PLCB1: variants seen among roughly 807,000 people sequenced by gnomAD.
The protein encoded by PLCB1 is 1-phosphatidylinositol 4,5-bisphosphate phosphodiesterase beta-1.
In PLCB1, 46 loss-of-function variants were observed where a neutral mutation model predicts 161.8. That is an observed-to-expected ratio of 0.28 (90% CI 0.22 to 0.36). The LOEUF is 0.36. Among genes scored for constraint, PLCB1 ranks in the 10% least tolerant of loss-of-function variants. The probability of loss-of-function intolerance (pLI) is 1.00; values close to 1 mark genes in which losing one functional copy is unlikely to be tolerated. For synonymous variants in PLCB1, 517 were observed against 503.7 expected, an observed-to-expected ratio of 1.03 and a Z score of -0.35; for missense variants, 1,016 against 1,472.5, an observed-to-expected ratio of 0.69 and a Z score of 5.07.
At chr20:8,273,483 T>C (rs570405415) in intron 2 of PLCB1, among the ~76,000 whole-genome samples, 1 of 152,164 alleles carries the variant, frequency 6.6e-6, no homozygotes, top group African/African-American at 2.4e-5. Context: ...TCTAAGCTTT[T>C]ATGGTGCAAA....
chr20:8,145,627 A>C (rs1241369947), intron 1 of PLCB1, among the ~76,000 whole-genome samples: 2 of 152,216 alleles, frequency 1.3e-5, no homozygotes, highest in Admixed American at 6.5e-5. Flanking sequence ...GCCTTGCTGG[A>C]ATTGTGTGAC....
intron 3 of PLCB1, among the ~76,000 whole-genome samples, chr20:8,508,161 A>G (rs879463512): frequency 6.6e-6 from 1 of 152,204 alleles, no homozygotes; most frequent in Non-Finnish European, 1.5e-5. Context: ...GGGGGAGTAA[A>G]GGCAGCCAGG....
intron 3 of PLCB1, among the ~76,000 whole-genome samples, chr20:8,551,382 A>G (rs1321823778): frequency 6.6e-6 from 1 of 152,074 alleles, no homozygotes; most frequent in African/African-American, 2.4e-5. Flanking sequence ...ATTGATACTT[A>G]TTTTCTTTCT....
chr20:8,509,657 T>C (rs1057480781), intron 3 of PLCB1, among the ~76,000 whole-genome samples: 15 of 151,876 alleles, frequency 9.9e-5, no homozygotes, highest in African/African-American at 3.6e-4. Flanking sequence ...AGTTAAAAAA[T>C]AGATTAGATA....
rs191383766 is a variant in PLCB1, at chr20:8,323,542, T to C, written c.178-47840T>C. Among the ~76,000 whole-genome samples, 186 of 152,236 alleles carry C rather than the reference T, an allele frequency of 1.2e-3. 2 individuals carry two copies. Among genetic ancestry groups the C allele is most frequent in the Non-Finnish European group, 3.5e-4 (24 of 68,016 alleles). ...CTATAAACTCTCTCCTTATGGCCTC[T>C]CCAGCAGGATGGATTCAGGATAGTA... On this transcript the variant is annotated intron_variant, in intron 2 of 31. Transcript: ENST00000338037.
At chr20:8,203,753 A>C (rs1978369022) in intron 2 of PLCB1, among the ~76,000 whole-genome samples, 1 of 152,168 alleles carries the variant, frequency 6.6e-6, no homozygotes, top group Admixed American at 6.5e-5. Context: ...TAAAGGACAA[A>C]TGTTTCTGGA....
chr20:8,521,920 TCTCCTTC>T (rs1984363909), intron 3 of PLCB1, among the ~76,000 whole-genome samples: 2 of 152,114 alleles, frequency 1.3e-5, no homozygotes, highest in Non-Finnish European at 2.9e-5. Flanking sequence ...CAAACTATAT[TCTCCTTC>T]TTTCTTAACA....
chr20:8,452,246 T>G (rs2122651377), intron 3 of PLCB1, among the ~76,000 whole-genome samples: 1 of 152,318 alleles, frequency 6.6e-6, no homozygotes, highest in Admixed American at 6.5e-5. Flanking sequence ...TTTTTTTCAA[T>G]TTTAATTTTT....
rs1980089773 is a variant in PLCB1 at position 8,729,031 on chromosome 20, A to G, written c.1764-19A>G. ...AAATATTTTTATAATTGTATTCACT[A>G]CTTAACATGATGGTCCAGATATAAC... On this transcript the variant is annotated intron_variant, in intron 17 of 31. Transcript: ENST00000338037. 2.0e-6 allele frequency: 3 copies of G among 1,536,270 alleles called. No homozygotes were observed. Among genetic ancestry groups the G allele is most frequent in the Non-Finnish European group, 2.6e-6 (3 of 1,134,130 alleles).
chr20:8,351,323 T>C (rs1365368907), intron 2 of PLCB1, among the ~76,000 whole-genome samples: 1 of 152,042 alleles, frequency 6.6e-6, no homozygotes, highest in Admixed American at 6.6e-5. Flanking sequence ...GTTCATACTT[T>C]ACAAAAAAAA....
chr20:8,632,777 C>A (rs1988639331), intron 4 of PLCB1, among the ~76,000 whole-genome samples: 1 of 152,094 alleles, frequency 6.6e-6, no homozygotes, highest in Non-Finnish European at 1.5e-5. Context: ...AGCGTGACAG[C>A]AGCTGGGTAA....
chr20:8,379,399 C>T (rs754921131), intron 3 of PLCB1, among the ~76,000 whole-genome samples: 6 of 152,160 alleles, frequency 3.9e-5, no homozygotes, highest in Middle Eastern at 3.2e-3. Context: ...GTAAGTAGTG[C>T]TGCAATAAAC....
chr20:8,465,410 A>G (rs146864338), intron 3 of PLCB1, among the ~76,000 whole-genome samples: 1 of 152,148 alleles, frequency 6.6e-6, no homozygotes, highest in African/African-American at 2.4e-5. Context: ...TCATCAGGCA[A>G]TTTCCCTTCT....
intron 3 of PLCB1, among the ~76,000 whole-genome samples, chr20:8,492,555 A>T (rs1349630549): frequency 6.6e-6 from 1 of 151,840 alleles, no homozygotes; most frequent in Non-Finnish European, 1.5e-5. Context: ...GTTTTTATTA[A>T]GTCAGATTGC....
chr20:8,834,810 GAAAAAAAAAAAAAAAAAAA>G (rs10568816), intron 31 of PLCB1, among the ~76,000 whole-genome samples: 1 of 85,602 alleles, frequency 1.2e-5, no homozygotes, highest in East Asian at 4.9e-4. Flanking sequence ...CTCTGCCTCA[GAAAAAAAAAAAAAAAAAAA>G]AAAAAAAACC....
chr20:8,569,600 C>T (rs1986442141), intron 3 of PLCB1, among the ~76,000 whole-genome samples: 2 of 152,038 alleles, frequency 1.3e-5, no homozygotes, highest in Non-Finnish European at 2.9e-5. Context: ...GTGACAATAT[C>T]CTATGTGTCC....
intron 2 of PLCB1, among the ~76,000 whole-genome samples, chr20:8,168,697 AT>A (rs1194241881): frequency 2.0e-5 from 3 of 148,772 alleles, no homozygotes; most frequent in Non-Finnish European, 3.0e-5. Flanking sequence ...TTGTTGTGCT[AT>A]TTTTTTTCTT....
At chr20:8,297,638 T>C (rs1983699172) in intron 2 of PLCB1, among the ~76,000 whole-genome samples, 1 of 152,154 alleles carries the variant, frequency 6.6e-6, no homozygotes, top group African/African-American at 2.4e-5. Flanking sequence ...GAAAGCTTTC[T>C]TGGGATTCTG....
Position 8,214,819 on chromosome 20 carries a change from C to CT in PLCB1, c.177+64454dup, listed in dbSNP as rs200511117. Among the ~76,000 whole-genome samples, 776 of 152,134 alleles carry CT rather than the reference C, an allele frequency of 5.1e-3. 9 individuals carry two copies. Among genetic ancestry groups the CT allele is most frequent in the African/African-American group, 0.017 (721 of 41,520 alleles). On this transcript the variant is annotated intron_variant, in intron 2 of 31. Transcript: ENST00000338037. ...TTGGGGGTGTGTGCTATTTTGCCTTCTTTTTTCACTCTCAAATATAAAAAG... is the reference window on the plus strand; with the variant it reads ...TTGGGGGTGTGTGCTATTTTGCCTTCTTTTTTTCACTCTCAAATATAAAAAG...
Sources: gnomAD v4.1 joint callset for allele counts (sites outside exome capture counted in the v4.1 genomes callset) on GRCh38, gnomAD v4.1.1 for gene constraint, MANE v1.5 for transcripts, NCBI Gene and HGNC (gene_info 2026-07-23, HGNC 2026-07-21) for gene names.